Variants in HEATR1 observed in about 807,000 individuals in gnomAD.
HEATR1 encodes HEAT repeat containing 1.
In HEATR1, 77 loss-of-function variants were observed where a neutral mutation model predicts 248.2. The observed-to-expected ratio is 0.31, with a 90% CI of 0.26 to 0.37. HEATR1 has a LOEUF of 0.37. Among genes scored for constraint, HEATR1 ranks in the 10% least tolerant of loss-of-function variants. The pLI, the probability that HEATR1 is intolerant of heterozygous loss-of-function variation, is 1.00. For synonymous variants in HEATR1, 897 were observed against 923.1 expected, an observed-to-expected ratio of 0.97 and a Z score of 0.51; for missense variants, 2,420 against 2,504.9, an observed-to-expected ratio of 0.97 and a Z score of 0.72.
At chr1:236,553,809 A>G in intron 42 of HEATR1, 70 bp from the exon 43 acceptor site, 1 of 1,455,974 alleles carries the variant, frequency 6.9e-7, no homozygotes, top group Non-Finnish European at 9.4e-7. Flanking sequence ...AAAATATCCA[A>G]CATACAAATA....
intron 29 of HEATR1, 96 bp downstream of exon 29, chr1:236,568,900 A>AAC: frequency 1.2e-5 from 7 of 577,700 alleles, no homozygotes; most frequent in Non-Finnish European, 1.2e-5. Context: ...AAAAAAAACA[A>AAC]AAAAAAAAAA....
Position 236,550,801 on chromosome 1 carries a change from G to GT in HEATR1, c.*100dup. The GT allele has an allele frequency of 1.2e-6, 1 of 841,848 alleles. No individual in the cohort carries two copies. Among genetic ancestry groups the GT allele is most frequent in the Non-Finnish European group, 1.9e-6 (1 of 529,974 alleles). 52.1% of individuals were successfully genotyped at this position (841,848 alleles called of 1,614,324 possible). ...ACATTTGTAAGTAATCCAAGTAGGT[G>GT]TATTAAGGCACCAAAAGTAACATGG... On this transcript the variant is annotated 3_prime_UTR_variant, in exon 45 of 45. Transcript: ENST00000366582.
chr1:236,559,748 G>A lies in HEATR1; in HGVS notation c.4736C>T (p.Ala1579Val), dbSNP rs775927959. The change falls in exon 34 of 45, where the codon GCG (alanine) becomes GTG (valine). Residue 1579 changes from alanine to valine, a missense_variant. Physicochemically the swap from Ala to Val is moderately conservative, Grantham distance 64. Coordinates refer to ENST00000366582, the MANE Select transcript of HEATR1 (RefSeq NM_018072.6). ...CAGGTCGTAAGCTTTACTAAGGAGC[G>A]CGCGCCAGAACTTCACGGTGAGTTT... ...ADKLTVKFWR[A>V]LLSKAYDLLD... is the part of the protein sequence containing the mutation. The A allele has an allele frequency of 1.2e-5, 19 of 1,613,794 alleles. No individual in the cohort carries two copies. Among genetic ancestry groups the A allele is most frequent in the South Asian group, 3.3e-5 (3 of 91,064 alleles).
Position 236,549,350 on chromosome 1 carries a change from T to C in HEATR1, c.*1552A>G, listed in dbSNP as rs1353234888. The C allele has an allele frequency of 5.5e-6, 1 of 183,102 alleles. No individual in the cohort carries two copies. Among genetic ancestry groups the C allele is most frequent in the Non-Finnish European group, 1.1e-5 (1 of 88,784 alleles). 11.3% of individuals were successfully genotyped at this position (183,102 alleles called of 1,614,324 possible). A position where few individuals can be genotyped will look rare whatever the true frequency, so the allele number is the denominator to read the frequency against. On this transcript the variant is annotated 3_prime_UTR_variant, in exon 45 of 45. Transcript: ENST00000366582. ...GTATATGGGATCTTTACAGGTCAGA[T>C]CTTGTTACAGGAAATTTCAAAGGTT...
chr1:236,570,287 TCAAAA>T (rs1306187730), intron 28 of HEATR1, among the ~76,000 whole-genome samples: 3 of 152,058 alleles, frequency 2.0e-5, no homozygotes, highest in East Asian at 3.9e-4. Context: ...AGACTCCGTC[TCAAAA>T]CAAACAAACA....
Position 236,566,626 on chromosome 1 carries a change from TTCCCACCC to T in HEATR1, c.4308+12_4308+19del, listed in dbSNP as rs1459432403. On this transcript the variant is annotated intron_variant, in intron 30 of 44. Transcript: ENST00000366582. ...GTGAGAAATCACCATTTTCCTTATC[TTCCCACCC>T]TAGGTTCTGACCTTTTCGCCATAGG... 4.5e-6 allele frequency: 7 copies of T among 1,556,930 alleles called. No homozygotes were observed. The highest frequency in any genetic ancestry group is 2.2e-5 in the East Asian group (1 of 44,544).
At chr1:236,586,982 G>A (rs937261913) in intron 14 of HEATR1, among the ~76,000 whole-genome samples, 31 of 152,052 alleles carry the variant, frequency 2.0e-4, no homozygotes, top group Admixed American at 5.2e-4. Context: ...TGCCAAAAAT[G>A]AAATAAACAG....
intron 29 of HEATR1, among the ~76,000 whole-genome samples, chr1:236,567,913 A>C (rs912140982): frequency 3.3e-5 from 5 of 152,246 alleles, no homozygotes; most frequent in African/African-American, 1.2e-4. Context: ...CTTTCAGAAT[A>C]AAGTTTGAAC....
intron 31 of HEATR1, 125 bp downstream of exon 31, chr1:236,565,794 T>A: frequency 1.1e-6 from 1 of 944,216 alleles, no homozygotes; most frequent in Non-Finnish European, 1.5e-6. Context: ...AACTACACAA[T>A]CAAATTAAAA....
chr1:236,551,945 T>C (rs1662766178), intron 44 of HEATR1, 54 bp downstream of exon 44: 1 of 1,210,054 alleles, frequency 8.3e-7, no homozygotes. Context: ...TTTCACAGAA[T>C]TTTACTGAAT....
chr1:236,604,090 C>T lies in HEATR1; in HGVS notation c.6G>A (p.Thr2=). M[T]SLAQQLQRLA... is the part of the protein sequence containing the mutation. The stretch of plus-strand genomic sequence containing the variant: ...GTCGTTGCAGCTGCTGGGCTAAGGA[C>T]GTCATCTTTCACGCCAGCGGAGTTT... Residue 2 remains threonine, a synonymous_variant, in exon 2 of 45, where the codon ACG becomes ACA. Transcript: ENST00000366582. 1.3e-6 allele frequency: 2 copies of T among 1,558,394 alleles called. No individual in the cohort carries two copies. The highest frequency in any genetic ancestry group is 2.8e-5 in the African/African-American group (2 of 71,284).
intron 15 of HEATR1, 74 bp downstream of exon 15, chr1:236,586,167 T>C: frequency 7.4e-7 from 1 of 1,350,296 alleles, no homozygotes; most frequent in South Asian, 1.4e-5. Flanking sequence ...TGACCAACAA[T>C]AAATTTTAAA....
rs775157091 is a variant in HEATR1, at chr1:236,587,805, AC to A, written c.1626+142del. ...ATTTCTGTGAGTTTCTCCTAACCAG[AC>A]TTAAGTCTGTGCTCTCCAGAGAACA... On this transcript the variant is annotated intron_variant, in intron 13 of 44. Coordinates refer to ENST00000366582, the MANE Select transcript of HEATR1 (RefSeq NM_018072.6). 2.7e-4 allele frequency: 152 copies of A among 557,188 alleles called. 1 individual carries two copies. Among genetic ancestry groups the A allele is most frequent in the Middle Eastern group, 1.9e-3 (4 of 2,104 alleles). The allele number at this position is 557,188 out of a possible 1,614,324, so 34.5% of individuals were successfully genotyped here. A position where few individuals can be genotyped will look rare whatever the true frequency, so the allele number is the denominator to read the frequency against.
At chr1:236,557,426 A>C in intron 36 of HEATR1, 81 bp from the exon 37 acceptor site, 2 of 1,444,080 alleles carry the variant, frequency 1.4e-6, no homozygotes, top group Non-Finnish European at 1.9e-6. Context: ...TTATGAAAAA[A>C]ACCAGCAAAC....
intron 3 of HEATR1, among the ~76,000 whole-genome samples, chr1:236,601,574 G>A (rs555253065): frequency 2.3e-4 from 35 of 152,184 alleles, no homozygotes; most frequent in African/African-American, 4.3e-4. Flanking sequence ...AGGCCGACTC[G>A]GCAGGAGGAT....
chr1:236,570,323 T>C (rs1663393327), intron 28 of HEATR1, among the ~76,000 whole-genome samples: 1 of 152,128 alleles, frequency 6.6e-6, no homozygotes, highest in Non-Finnish European at 1.5e-5. Context: ...AACATTATGC[T>C]AAGCAAAAGA....
chr1:236,577,459 T>G (rs1663593053), intron 20 of HEATR1, among the ~76,000 whole-genome samples: 1 of 148,626 alleles, frequency 6.7e-6, no homozygotes, highest in African/African-American at 2.5e-5. Flanking sequence ...ATGTTTTCCA[T>G]AAGTACATAC....
intron 8 of HEATR1, 45 bp downstream of exon 8, chr1:236,595,495 T>C (rs780907506): frequency 1.3e-5 from 20 of 1,529,800 alleles, no homozygotes; most frequent in Non-Finnish European, 1.2e-5. Flanking sequence ...TATTTTAAGA[T>C]CAAATCTTAG....
chr1:236,568,000 T>A (rs1663319433), intron 29 of HEATR1, among the ~76,000 whole-genome samples: 1 of 152,228 alleles, frequency 6.6e-6, no homozygotes, highest in Non-Finnish European at 1.5e-5. Flanking sequence ...AACACTTGAA[T>A]GAATGAATAA....
Sources: gnomAD v4.1 joint callset for allele counts (sites outside exome capture counted in the v4.1 genomes callset) on GRCh38, gnomAD v4.1.1 for gene constraint, MANE v1.5 for transcripts, NCBI Gene and HGNC (gene_info 2026-07-23, HGNC 2026-07-21) for gene names.